The following ERBB4 variants were observed in gnomAD, a reference collection of about 807,000 sequenced individuals.
ERBB4 encodes receptor tyrosine-protein kinase erbB-4.
Under a neutral mutation model 158.0 loss-of-function variants are expected in ERBB4, and 42 were observed. The ratio of observed to expected loss-of-function variants is 0.27; its 90% CI spans 0.21 to 0.34. The LOEUF (loss-of-function observed/expected upper bound fraction) is 0.34, where lower values mean the gene tolerates loss of function less well. Among genes scored for constraint, ERBB4 ranks in the 10% least tolerant of loss-of-function variants. The pLI is 1.00. For synonymous variants in ERBB4, 583 were observed against 558.7 expected (o/e 1.04, Z -0.61); for missense variants, 1,333 against 1,624.1 (o/e 0.82, Z 3.08).
At chr2:212,162,596 C>T (rs1461908277) in intron 1 of ERBB4, among the ~76,000 whole-genome samples, 1 of 151,696 alleles carries the variant, frequency 6.6e-6, no homozygotes, top group Non-Finnish European at 1.5e-5. Context: ...TAATCAGATA[C>T]TGAACTTTAT....
At chr2:211,878,260 C>T (rs2106139393) in intron 3 of ERBB4, among the ~76,000 whole-genome samples, 1 of 152,256 alleles carries the variant, frequency 6.6e-6, no homozygotes, top group East Asian at 1.9e-4. Context: ...AGTTGCCACT[C>T]TCATTATAAC....
intron 25 of ERBB4, among the ~76,000 whole-genome samples, chr2:211,409,662 T>C (rs1012681090): frequency 6.6e-6 from 1 of 152,142 alleles, no homozygotes; most frequent in African/African-American, 2.4e-5. Context: ...TTTAAGCCAA[T>C]TGATACTAAA....
At chr2:211,826,024 T>C (rs1388128959) in intron 3 of ERBB4, among the ~76,000 whole-genome samples, 1 of 151,380 alleles carries the variant, frequency 6.6e-6, no homozygotes, top group Non-Finnish European at 1.5e-5. Flanking sequence ...ATAGCTTCCC[T>C]AGAATCAACC....
intron 1 of ERBB4, among the ~76,000 whole-genome samples, chr2:212,504,664 G>T (rs1038569096): frequency 1.3e-5 from 2 of 152,030 alleles, no homozygotes; most frequent in East Asian, 1.9e-4. Context: ...GAACCATAAC[G>T]TATAGAATGG....
At chr2:212,416,938 C>T (rs755713681) in intron 1 of ERBB4, among the ~76,000 whole-genome samples, 26 of 152,024 alleles carry the variant, frequency 1.7e-4, no homozygotes, top group Admixed American at 4.6e-4. Flanking sequence ...CATCCAAACT[C>T]TCATGATAAG....
chr2:211,902,293 T>C (rs1018671470), intron 3 of ERBB4, among the ~76,000 whole-genome samples: 3 of 152,084 alleles, frequency 2.0e-5, no homozygotes, highest in Non-Finnish European at 4.4e-5. Flanking sequence ...TGAAACGGTA[T>C]AACGGTATTT....
intron 2 of ERBB4, among the ~76,000 whole-genome samples, chr2:211,969,558 C>G (rs1448911125): frequency 6.6e-6 from 1 of 151,972 alleles, no homozygotes; most frequent in Non-Finnish European, 1.5e-5. Flanking sequence ...AGATGAACAT[C>G]TGAATTGAAT....
intron 20 of ERBB4, among the ~76,000 whole-genome samples, chr2:211,453,272 T>C (rs2125483214): frequency 6.6e-6 from 1 of 152,322 alleles, no homozygotes; most frequent in East Asian, 1.9e-4. Flanking sequence ...AAAGTTTAAG[T>C]TATCTCAAGT....
chr2:212,461,753 A>C (rs1688587216), intron 1 of ERBB4, among the ~76,000 whole-genome samples: 1 of 152,188 alleles, frequency 6.6e-6, no homozygotes, highest in South Asian at 2.1e-4. Flanking sequence ...CCCAAATCTC[A>C]TCTTGAATTC....
intron 20 of ERBB4, among the ~76,000 whole-genome samples, chr2:211,500,051 C>A (rs1297896380): frequency 1.3e-5 from 2 of 152,048 alleles, no homozygotes; most frequent in Non-Finnish European, 2.9e-5. Context: ...CCTGAAACAA[C>A]CAAACATATG....
chr2:212,428,146 T>C (rs1412400365), intron 1 of ERBB4, among the ~76,000 whole-genome samples: 3 of 152,138 alleles, frequency 2.0e-5, no homozygotes, highest in Non-Finnish European at 4.4e-5. Context: ...TATTAAGCTA[T>C]GGATTCAAGA....
intron 2 of ERBB4, among the ~76,000 whole-genome samples, chr2:212,087,155 T>C (rs754304692): frequency 2.6e-5 from 4 of 151,614 alleles, no homozygotes; most frequent in Admixed American, 6.6e-5. Context: ...TGACCTCTTA[T>C]GACATCAACA....
intron 2 of ERBB4, among the ~76,000 whole-genome samples, chr2:212,013,838 G>A (rs1235758223): frequency 6.6e-6 from 1 of 152,154 alleles, no homozygotes; most frequent in Non-Finnish European, 1.5e-5. Context: ...TAGAGCCTCT[G>A]AAGGAACCAT....
At chr2:211,784,806 T>C (rs12620559) in intron 4 of ERBB4, among the ~76,000 whole-genome samples, 30,770 of 152,108 alleles carry the variant, frequency 0.2, 3,631 homozygotes, top group Non-Finnish European at 0.27. Context: ...TGGGAGACAA[T>C]ATCTTATTGT....
chr2:211,954,531 T>C (rs2080974226), intron 2 of ERBB4, among the ~76,000 whole-genome samples: 2 of 152,126 alleles, frequency 1.3e-5, no homozygotes, highest in African/African-American at 4.8e-5. Context: ...TCCACAAAAA[T>C]GCTAATACAT....
intron 20 of ERBB4, among the ~76,000 whole-genome samples, chr2:211,504,020 T>C (rs2065681735): frequency 6.6e-6 from 1 of 152,108 alleles, no homozygotes; most frequent in Non-Finnish European, 1.5e-5. Flanking sequence ...TCACTGCAAT[T>C]GCCTCTCACC....
intron 20 of ERBB4, among the ~76,000 whole-genome samples, chr2:211,466,868 T>A (rs2064705630): frequency 1.3e-5 from 2 of 152,070 alleles, no homozygotes; most frequent in South Asian, 4.1e-4. Context: ...AATATATCAG[T>A]TTTCCTCTCT....
chr2:211,501,497 TA>T (rs71047178), intron 20 of ERBB4, among the ~76,000 whole-genome samples: 83 of 150,978 alleles, frequency 5.5e-4, no homozygotes, highest in African/African-American at 1.8e-3. Flanking sequence ...CCATAAAAAT[TA>T]AAAAAAACAG....
intron 3 of ERBB4, among the ~76,000 whole-genome samples, chr2:211,909,915 A>C (rs188939586): frequency 6.6e-6 from 1 of 151,740 alleles, no homozygotes. Flanking sequence ...AAGTTTAATA[A>C]ATTTTTGTTG....
Sources: allele counts gnomAD v4.1 joint callset (sites outside exome capture counted in the v4.1 genomes callset), GRCh38; gene constraint gnomAD v4.1.1; transcripts MANE v1.5; gene names NCBI Gene and HGNC (gene_info 2026-07-23, HGNC 2026-07-21).